NBN: variants seen among roughly 807,000 people sequenced by gnomAD.
NBN encodes the protein Nijmegen breakage syndrome 1 (nibrin).
NBN carries 88 observed loss-of-function variants against 90.8 expected under a neutral mutation model. The observed-to-expected ratio is 0.97, with a 90% CI of 0.82 to 1.16. NBN has a LOEUF of 1.16. Ranked by LOEUF, NBN falls within the 50% of genes most tolerant of loss-of-function variation. The pLI is 0.00. For synonymous variants in NBN, 328 were observed against 295.1 expected (o/e 1.11, Z -1.14); for missense variants, 894 against 869.6 (o/e 1.03, Z -0.35).
chr8:89,956,479 TAAAG>T (rs376219312), intron 9 of NBN, among the ~76,000 whole-genome samples: 106 of 152,254 alleles, frequency 7.0e-4, no homozygotes, highest in African/African-American at 2.5e-3. Flanking sequence ...CCTCTTCAGA[TAAAG>T]AACCATAGAA....
intron 2 of NBN, 124 bp from the exon 3 acceptor site, chr8:89,981,647 T>TA: frequency 2.1e-6 from 2 of 965,208 alleles, no homozygotes; most frequent in Non-Finnish European, 3.1e-6. Context: ...AGACAACAAT[T>TA]ACTGCTTCGG....
At chr8:89,977,734 T>C (rs1459987895) in intron 5 of NBN, among the ~76,000 whole-genome samples, 1 of 152,206 alleles carries the variant, frequency 6.6e-6, no homozygotes, top group Non-Finnish European at 1.5e-5. Context: ...CCAGCATCTG[T>C]TGTTTCCTGA....
chr8:89,955,702 C>T (rs778672531), intron 9 of NBN, 147 bp from the exon 10 acceptor site: 83 of 943,852 alleles, frequency 8.8e-5, no homozygotes, highest in Non-Finnish European at 1.2e-4. Context: ...TTTACCATCC[C>T]AAGAAAGCAA....
At chr8:89,978,982 G>A (rs1266108530) in intron 4 of NBN, among the ~76,000 whole-genome samples, 1 of 152,082 alleles carries the variant, frequency 6.6e-6, no homozygotes, top group Non-Finnish European at 1.5e-5. Flanking sequence ...ATATAAATAT[G>A]CTTTTTTATT....
At chr8:89,949,213 G>C (rs1810333316) in intron 11 of NBN, among the ~76,000 whole-genome samples, 1 of 152,174 alleles carries the variant, frequency 6.6e-6, no homozygotes, top group Non-Finnish European at 1.5e-5. Flanking sequence ...GTCAAACCTA[G>C]CTATGTGACC....
intron 10 of NBN, among the ~76,000 whole-genome samples, chr8:89,954,510 A>G (rs1433682327): frequency 6.6e-6 from 1 of 152,018 alleles, no homozygotes; most frequent in African/African-American, 2.4e-5. Context: ...AGAGTCAAAA[A>G]TTGTAACAAC....
chr8:89,984,585 G>A lies in NBN; in HGVS notation c.-24C>T, dbSNP rs1367419976. On this transcript the variant is annotated 5_prime_UTR_variant, in exon 1 of 16. Transcript: ENST00000265433. ...ATCGGTCCGGCTCCTCAGGGCTGGG[G>A]CCGACGTGCAACCGCGTAACCGGGG... The A allele has an allele frequency of 3.1e-6, 5 of 1,612,276 alleles. No individual in the cohort carries two copies. The South Asian group carries it at 4.4e-5, about 14-fold the overall frequency.
chr8:89,962,027 C>G (rs1005530156), intron 8 of NBN, among the ~76,000 whole-genome samples: 4 of 152,060 alleles, frequency 2.6e-5, no homozygotes, highest in African/African-American at 9.7e-5. Context: ...TAAAAAATGT[C>G]CAAAGTTTCC....
At chr8:89,951,149 A>T (rs752342452) in intron 11 of NBN, among the ~76,000 whole-genome samples, 1 of 151,978 alleles carries the variant, frequency 6.6e-6, no homozygotes, top group Non-Finnish European at 1.5e-5. Context: ...CATCTCTACT[A>T]TAAGTACAAA....
chr8:89,933,869 T>C lies in NBN; in HGVS notation c.*1713A>G. 4.3e-6 allele frequency: 1 copy of C among 232,282 alleles called. No individual in the cohort carries two copies. Among genetic ancestry groups the C allele is most frequent in the Non-Finnish European group, 8.5e-6 (1 of 117,580 alleles). The allele number at this position is 232,282 out of a possible 1,614,324, so 14.4% of individuals were successfully genotyped here. On this transcript the variant is annotated 3_prime_UTR_variant, in exon 16 of 16. Coordinates refer to ENST00000265433, the MANE Select transcript of NBN (RefSeq NM_002485.5). Reference sequence around the variant, plus strand: ...ACTTGCATCTAGAATGTATAAAGAATTTCTATGACCCAATTATAGCTATCA... The same window carrying C: ...ACTTGCATCTAGAATGTATAAAGAACTTCTATGACCCAATTATAGCTATCA...
chr8:89,984,407 AC>A lies in NBN; in HGVS notation c.37+117del. On this transcript the variant is annotated intron_variant, in intron 1 of 15. Coordinates refer to ENST00000265433, the MANE Select transcript of NBN (RefSeq NM_002485.5). ...ATACAGCGTACTCGCCGCTTCTGCG[AC>A]CGCTTCCGCAGCGTCCCCGGGCAGG... 3.1e-6 allele frequency: 3 copies of A among 965,884 alleles called. No homozygotes were observed. In the South Asian group the frequency reaches 4.2e-5, roughly 13 times the overall value. 59.8% of individuals were successfully genotyped at this position (965,884 alleles called of 1,614,324 possible).
chr8:89,980,989 G>A (rs2129911874), intron 3 of NBN, 96 bp from the exon 4 acceptor site: 1 of 1,044,906 alleles, frequency 9.6e-7, no homozygotes, highest in South Asian at 1.3e-5. Flanking sequence ...ATCATATACT[G>A]TTATTGTAAC....
chr8:89,974,890 T>C (rs1258035129), intron 5 of NBN, among the ~76,000 whole-genome samples: 1 of 152,208 alleles, frequency 6.6e-6, no homozygotes, highest in African/African-American at 2.4e-5. Context: ...GAGGACTCCA[T>C]CTCTCAAGAG....
chr8:89,984,453 T>C, intron 1 of NBN, 72 bp downstream of exon 1: 1 of 1,430,284 alleles, frequency 7.0e-7, no homozygotes, highest in Non-Finnish European at 9.8e-7. Context: ...GACGCAGGAA[T>C]CACCCGCAGG....
intron 14 of NBN, among the ~76,000 whole-genome samples, chr8:89,938,685 A>G (rs753869682): frequency 9.2e-5 from 14 of 152,172 alleles, no homozygotes; most frequent in Admixed American, 4.6e-4. Flanking sequence ...GGGCTTCTGA[A>G]TCTCTAGAGC....
At chr8:89,980,707 A>G (rs1437165883) in intron 4 of NBN, 27 bp downstream of exon 4, 6 of 1,581,968 alleles carry the variant, frequency 3.8e-6, no homozygotes, top group Admixed American at 1.7e-5. Flanking sequence ...ACTTATTTTT[A>G]ACATAAGAAC....
rs1351230118 is a variant in NBN, at chr8:89,948,270, C to A, written c.1846-378G>T. ...GAAAGAGAAAATACCAAAATATTAA[C>A]CATGGTTGTCTGTAGATGGTAGGAT... On this transcript the variant is annotated intron_variant, in intron 11 of 15. Transcript: ENST00000265433. Among the ~76,000 whole-genome samples, 3 of 152,170 alleles carry A rather than the reference C, an allele frequency of 2.0e-5. No homozygotes were observed. The East Asian group carries it at 5.8e-4, about 29-fold the overall frequency.
intron 8 of NBN, 152 bp from the exon 9 acceptor site, chr8:89,959,006 CAA>C (rs1810869316): frequency 1.0e-6 from 1 of 1,002,966 alleles, no homozygotes; most frequent in African/African-American, 1.6e-5. Flanking sequence ...CCAACAAACA[CAA>C]AACAGTCTAT....
chr8:89,952,027 C>T (rs1279557735), intron 11 of NBN, among the ~76,000 whole-genome samples: 4 of 152,160 alleles, frequency 2.6e-5, no homozygotes, highest in Non-Finnish European at 2.9e-5. Context: ...AAGGCCTTTA[C>T]CTGTCCCCTC....
Sources: allele counts gnomAD v4.1 joint callset (sites outside exome capture counted in the v4.1 genomes callset), GRCh38; gene constraint gnomAD v4.1.1; transcripts MANE v1.5; gene names NCBI Gene and HGNC (gene_info 2026-07-23, HGNC 2026-07-21).